The following LGSN variants were observed in gnomAD, a reference collection of about 807,000 sequenced individuals.
LGSN encodes lengsin.
In LGSN, 21 loss-of-function variants were observed where a neutral mutation model predicts 19.5. The ratio of observed to expected loss-of-function variants is 1.07; its 90% confidence interval spans 0.76 to 1.55. The LOEUF is 1.55. LGSN is among the 40% of genes most tolerant of loss of function. The pLI, the probability that LGSN is intolerant of heterozygous loss-of-function variation, is 0.00. For missense variants in LGSN, 673 were observed against 608.5 expected (o/e 1.11, Z -1.12); for synonymous variants, 257 against 215.6 (o/e 1.19, Z -1.68).
the LGSN span, among the ~76,000 whole-genome samples, chr6:63,425,229 A>G: frequency 1.3e-5 from 2 of 152,340 alleles, no homozygotes; most frequent in Admixed American, 1.3e-4. Context: ...AAAGCTAAAC[A>G]TGCAACTACT....
the LGSN span, among the ~76,000 whole-genome samples, chr6:63,361,382 C>T: frequency 2.0e-5 from 3 of 152,224 alleles, no homozygotes; most frequent in African/African-American, 7.2e-5. Flanking sequence ...AGCCTCACTG[C>T]CACCTTGCAG....
the LGSN span, among the ~76,000 whole-genome samples, chr6:63,499,972 T>G: frequency 0.53 from 80,767 of 151,234 alleles, 23,353 homozygotes; most frequent in African/African-American, 0.77. Flanking sequence ...CAACTCAAGT[T>G]TCCATAATTC....
the LGSN span, among the ~76,000 whole-genome samples, chr6:63,458,617 A>G: frequency 3.3e-5 from 5 of 151,886 alleles, no homozygotes; most frequent in African/African-American, 4.8e-5. Context: ...AAGTTACCCA[A>G]ACATTCTCGG....
At chr6:63,548,187 C>T in the LGSN span, among the ~76,000 whole-genome samples, 1 of 152,152 alleles carries the variant, frequency 6.6e-6, no homozygotes, top group African/African-American at 2.4e-5. Context: ...TTTATTTTCC[C>T]TACTATAACA....
chr6:63,499,301 G>A, the LGSN span, among the ~76,000 whole-genome samples: 2 of 152,066 alleles, frequency 1.3e-5, no homozygotes, highest in Non-Finnish European at 2.9e-5. Context: ...CAGAGTGCAA[G>A]AAAAAGTATA....
At chr6:63,363,268 A>C in the LGSN span, among the ~76,000 whole-genome samples, 1 of 152,262 alleles carries the variant, frequency 6.6e-6, no homozygotes, top group East Asian at 1.9e-4. Flanking sequence ...AATGCTGAAA[A>C]TTCTGAAAAT....
the LGSN span, among the ~76,000 whole-genome samples, chr6:63,367,256 C>A: frequency 1.3e-5 from 2 of 152,146 alleles, no homozygotes; most frequent in African/African-American, 4.8e-5. Flanking sequence ...AAAAATCAAA[C>A]AACCCCATCA....
chr6:63,379,177 G>GCC, the LGSN span, among the ~76,000 whole-genome samples: 3 of 151,012 alleles, frequency 2.0e-5, no homozygotes, highest in African/African-American at 7.3e-5. Flanking sequence ...GAGAGTAAAT[G>GCC]CCCCCCCCTT....
the LGSN span, among the ~76,000 whole-genome samples, chr6:63,490,404 CA>C: frequency 6.6e-6 from 1 of 152,010 alleles, no homozygotes; most frequent in African/African-American, 2.4e-5. Context: ...GATGACCAAT[CA>C]AGCAAAAAAC....
the LGSN span, among the ~76,000 whole-genome samples, chr6:63,406,164 G>A: frequency 6.6e-6 from 1 of 152,140 alleles, no homozygotes; most frequent in Non-Finnish European, 1.5e-5. Context: ...ACTCAGCTCT[G>A]CACCAAGCAG....
upstream of LGSN, chr6:63,320,059 T>C (rs1332947553): frequency 1.5e-5 from 12 of 797,932 alleles, no homozygotes; most frequent in East Asian, 1.5e-4. Context: ...CCATAGAGGC[T>C]TTTCCAGAGG....
At chr6:63,520,385 G>A in the LGSN span, among the ~76,000 whole-genome samples, 2 of 152,192 alleles carry the variant, frequency 1.3e-5, no homozygotes, top group Admixed American at 1.3e-4. Flanking sequence ...CCAGCACTTT[G>A]GGAGACTGAG....
the LGSN span, among the ~76,000 whole-genome samples, chr6:63,362,366 C>A: frequency 1.2e-4 from 18 of 150,382 alleles, 2 homozygotes; most frequent in South Asian, 3.6e-3. Context: ...GCTTGTCAGA[C>A]AGTGGGTGCA....
the LGSN span, among the ~76,000 whole-genome samples, chr6:63,464,228 T>G: frequency 1.3e-5 from 2 of 152,274 alleles, no homozygotes; most frequent in East Asian, 3.9e-4. Flanking sequence ...TGGGCAGGAC[T>G]GTGCCCAGTT....
the LGSN span, among the ~76,000 whole-genome samples, chr6:63,489,098 A>T: frequency 2.6e-5 from 4 of 152,210 alleles, no homozygotes; most frequent in Admixed American, 2.6e-4. Context: ...CTACTAAGCA[A>T]AAATGCTTAA....
At chr6:63,341,765 A>G in the LGSN span, among the ~76,000 whole-genome samples, 2 of 152,124 alleles carry the variant, frequency 1.3e-5, no homozygotes, top group South Asian at 4.1e-4. Flanking sequence ...CTAACATCTA[A>G]AACCCTTCCT....
chr6:63,514,040 A>G, the LGSN span, among the ~76,000 whole-genome samples: 1 of 152,014 alleles, frequency 6.6e-6, no homozygotes, highest in African/African-American at 2.4e-5. Context: ...TGAATAATAT[A>G]TAAAATAATT....
At chr6:63,359,675 T>A in the LGSN span, among the ~76,000 whole-genome samples, 1 of 152,234 alleles carries the variant, frequency 6.6e-6, no homozygotes, top group African/African-American at 2.4e-5. Context: ...GGATCGATGG[T>A]GATATCCCCT....
the LGSN span, among the ~76,000 whole-genome samples, chr6:63,418,558 T>C: frequency 6.6e-6 from 1 of 152,042 alleles, no homozygotes; most frequent in Non-Finnish European, 1.5e-5. Context: ...AGACTCCGTC[T>C]CAAATAAAAA....
Sources: allele counts gnomAD v4.1 joint callset (sites outside exome capture counted in the v4.1 genomes callset), GRCh38; gene constraint gnomAD v4.1.1; transcripts MANE v1.5; gene names NCBI Gene and HGNC (gene_info 2026-07-23, HGNC 2026-07-21).